The following EYS variants were observed in gnomAD, a reference collection of about 807,000 sequenced individuals.
The protein encoded by EYS is protein eyes shut homolog.
In EYS, 250 loss-of-function variants were observed where a neutral mutation model predicts 282.1. The ratio of observed to expected loss-of-function variants is 0.89; its 90% CI spans 0.80 to 0.98. EYS has a LOEUF of 0.98. EYS is among the 50% of genes least tolerant of loss of function. The probability of loss-of-function intolerance (pLI) is 0.00; values close to 1 mark genes in which losing one functional copy is unlikely to be tolerated. For missense variants in EYS, 4,016 were observed against 3,709.0 expected, an observed-to-expected ratio of 1.08 and a Z score of -2.15; for synonymous variants, 1,355 against 1,282.9, an observed-to-expected ratio of 1.06 and a Z score of -1.20.
In EYS at chr6:64,686,916, C is replaced by CAT. The variant is rs1366492026; in HGVS notation, c.3444-60673_3444-60672dup. Among the ~76,000 whole-genome samples the CAT allele has an allele frequency of 7.4e-4, 85 of 115,592 alleles. 6 individuals are homozygous for CAT. Among genetic ancestry groups the CAT allele is most frequent in the African/African-American group, 2.6e-3 (84 of 31,738 alleles). The allele number at this position is 115,592 out of a possible 152,430, so 75.8% of individuals were successfully genotyped here. ...ATATATATGTGTATATATATACACACATATATATACGTATATATATACACA... is the reference window on the plus strand; with the variant it reads ...ATATATATGTGTATATATATACACACATATATATATACGTATATATATACACA... On this transcript the variant is annotated intron_variant, in intron 22 of 42. Transcript: ENST00000503581.
At chr6:65,310,241 G>T (rs1259405257) in intron 11 of EYS, among the ~76,000 whole-genome samples, 16 of 152,152 alleles carry the variant, frequency 1.1e-4, no homozygotes, top group South Asian at 2.1e-4. Context: ...CTACTCGGGA[G>T]GCTGAGGCAG....
intron 11 of EYS, chr6:65,330,971 G>C: frequency 1.0e-6 from 1 of 984,176 alleles, no homozygotes; most frequent in Non-Finnish European, 1.2e-6. Flanking sequence ...CTCATATATT[G>C]AGTTCCCGTA....
intron 33 of EYS, among the ~76,000 whole-genome samples, chr6:64,007,307 G>A (rs539472097): frequency 6.6e-6 from 1 of 150,970 alleles, no homozygotes; most frequent in Non-Finnish European, 1.5e-5. Context: ...TAGTCTCTGA[G>A]GTTTTTTGTT....
Position 65,369,880 on chromosome 6 carries a change from T to C in EYS, c.1299+14506A>G, listed in dbSNP as rs528179997. On this transcript the variant is annotated intron_variant, in intron 8 of 42. Coordinates refer to ENST00000503581, the MANE Select transcript of EYS (RefSeq NM_001142800.2). ...TCCTGATTCTGACTCTAACTATTCC[T>C]TTTCAAAGATGTCTGCGACTCTCAG... 5.7e-4 allele frequency among the ~76,000 whole-genome samples: 87 copies of C among 151,766 alleles called. 1 individual carries two copies. Among genetic ancestry groups the C allele is most frequent in the Non-Finnish European group, 1.0e-3 (71 of 67,946 alleles).
chr6:65,371,519 T>A (rs1382191727), intron 8 of EYS, among the ~76,000 whole-genome samples: 1 of 149,912 alleles, frequency 6.7e-6, no homozygotes, highest in African/African-American at 2.4e-5. Context: ...TGGGTGTAAA[T>A]GCTCACAAAA....
chr6:64,687,168 A>C (rs977259911), intron 22 of EYS, among the ~76,000 whole-genome samples: 6 of 151,766 alleles, frequency 4.0e-5, no homozygotes, highest in Non-Finnish European at 8.8e-5. Context: ...AGAGAGAAAG[A>C]AACACATTCC....
At chr6:63,854,582 G>T (rs746840726) in intron 36 of EYS, among the ~76,000 whole-genome samples, 7 of 152,078 alleles carry the variant, frequency 4.6e-5, no homozygotes, top group Admixed American at 2.0e-4. Flanking sequence ...TAACAAACCT[G>T]CATGTTCTGC....
At chr6:64,923,362 T>A (rs1768413872) in intron 15 of EYS, among the ~76,000 whole-genome samples, 1 of 152,130 alleles carries the variant, frequency 6.6e-6, no homozygotes, top group South Asian at 2.1e-4. Context: ...CATGATTCAA[T>A]TACCTCCCCC....
At chr6:63,933,793 A>C (rs542788881) in intron 35 of EYS, among the ~76,000 whole-genome samples, 19 of 152,288 alleles carry the variant, frequency 1.2e-4, no homozygotes, top group African/African-American at 4.3e-4. Context: ...TATATATTTC[A>C]TGTTATCACA....
chr6:65,231,172 T>A (rs1352773022), intron 12 of EYS, among the ~76,000 whole-genome samples: 1 of 145,060 alleles, frequency 6.9e-6, no homozygotes, highest in Non-Finnish European at 1.5e-5. Flanking sequence ...TATATATATT[T>A]TATATATATA....
chr6:63,721,510 G>T lies in EYS; in HGVS notation c.8521C>A (p.Pro2841Thr), dbSNP rs1275053066. The change falls in exon 43 of 43, where the codon CCT becomes ACT. Residue 2841 changes from proline (P) to threonine (T), a missense_variant. Pro to Thr is a conservative substitution (Grantham distance 38, BLOSUM62 -1). Coordinates refer to ENST00000503581, the MANE Select transcript of EYS (RefSeq NM_001142800.2). ...LVNPMAIENE[P>T]VGFQGCIRQV... ...CGGATACAGCCTTGAAAACCTACAG[G>T]TTCATTTTCTATTGCCATGGGATTT... The T allele has an allele frequency of 6.4e-7, 1 of 1,550,832 alleles. No individual in the cohort carries two copies. Among genetic ancestry groups the T allele is most frequent in the Admixed American group, 2.0e-5 (1 of 50,926 alleles).
intron 31 of EYS, among the ~76,000 whole-genome samples, chr6:64,213,032 T>C (rs1765826688): frequency 6.6e-6 from 1 of 152,116 alleles, no homozygotes; most frequent in South Asian, 2.1e-4. Flanking sequence ...TATTCCATGT[T>C]TTCCCTTATA....
At chr6:65,489,919 G>T (rs1407736101) in intron 5 of EYS, 1 of 152,128 alleles carries the variant, frequency 6.6e-6, no homozygotes, top group African/African-American at 2.4e-5. Flanking sequence ...ATAAATGGGG[G>T]TTCAACAATG....
chr6:65,140,181 A>G (rs1403340645), intron 12 of EYS, among the ~76,000 whole-genome samples: 1 of 152,120 alleles, frequency 6.6e-6, no homozygotes, highest in Non-Finnish European at 1.5e-5. Context: ...GCAAAGAAAT[A>G]TAAGATATTA....
At chr6:64,410,103 T>C (rs371713793) in intron 28 of EYS, among the ~76,000 whole-genome samples, 2 of 152,014 alleles carry the variant, frequency 1.3e-5, no homozygotes, top group African/African-American at 2.4e-5. Context: ...AGGACTGTGT[T>C]AGTGCAGATA....
At chr6:65,267,812 A>G (rs746444345) in intron 12 of EYS, among the ~76,000 whole-genome samples, 10 of 152,030 alleles carry the variant, frequency 6.6e-5, no homozygotes, top group Non-Finnish European at 1.2e-4. Context: ...TGTTTCCTGC[A>G]AAGTATGAAA....
intron 15 of EYS, among the ~76,000 whole-genome samples, chr6:64,922,340 A>G (rs1334734339): frequency 2.6e-5 from 4 of 152,328 alleles, no homozygotes; most frequent in East Asian, 1.9e-4. Context: ...TGAAGAACTA[A>G]ATTTAAAGAT....
chr6:65,516,751 C>T (rs1767151491), intron 2 of EYS, among the ~76,000 whole-genome samples: 1 of 152,034 alleles, frequency 6.6e-6, no homozygotes, highest in Non-Finnish European at 1.5e-5. Flanking sequence ...CCTGGTATTA[C>T]TAACTCTTCT....
chr6:64,434,490 T>C (rs932903708), intron 28 of EYS, among the ~76,000 whole-genome samples: 4 of 152,106 alleles, frequency 2.6e-5, no homozygotes, highest in Non-Finnish European at 4.4e-5. Context: ...GTATTTTTAC[T>C]GGACACATCA....
Sources: allele counts gnomAD v4.1 joint callset (sites outside exome capture counted in the v4.1 genomes callset), GRCh38; gene constraint gnomAD v4.1.1; transcripts MANE v1.5; gene names NCBI Gene and HGNC (gene_info 2026-07-23, HGNC 2026-07-21).